Variants in ADAM19 observed in about 807,000 individuals in gnomAD.
ADAM19 encodes the protein disintegrin and metalloproteinase domain-containing protein 19.
A neutral mutation model predicts 114.7 loss-of-function variants in ADAM19; 65 were observed. The ratio of observed to expected loss-of-function variants is 0.57; its 90% CI spans 0.46 to 0.70. The LOEUF is 0.70. Ranked by LOEUF, ADAM19 falls within the 30% of genes least tolerant of loss-of-function variation. The pLI, the probability that ADAM19 is intolerant of heterozygous loss-of-function variation, is 0.00. For synonymous variants in ADAM19, 466 were observed against 460.5 expected, an observed-to-expected ratio of 1.01 and a Z score of -0.15; for missense variants, 1,063 against 1,204.7, an observed-to-expected ratio of 0.88 and a Z score of 1.74.
chr5:157,502,840 A>G lies in ADAM19; in HGVS notation c.1271T>C (p.Leu424Pro). Residue 424 changes from leucine (L) to proline (P), a missense_variant, in exon 12 of 23, where the codon CTG becomes CCG. Leu to Pro is a moderately conservative substitution (Grantham distance 98). This residue lies in a region of ADAM19 where 615 missense variants were observed against 706.3 expected (regional missense o/e 0.87). Coordinates refer to ENST00000257527, the MANE Select transcript of ADAM19 (RefSeq NM_033274.5). ...ACAGTCACACTCTTCCCCATCTTCC[A>G]GATACCCGTTCCCACACCTCCGGCC... is the stretch of plus-strand genomic sequence containing the variant. ...YGGRRCGNGY[L>P]EDGEECDCGE... 1 of 1,614,098 alleles carries G rather than the reference A, an allele frequency of 6.2e-7. No individual in the cohort carries two copies. The highest frequency in any genetic ancestry group is 1.1e-5 in the South Asian group (1 of 91,078).
At chr5:157,556,578 A>G (rs1581352404) in intron 3 of ADAM19, among the ~76,000 whole-genome samples, 1 of 152,174 alleles carries the variant, frequency 6.6e-6, no homozygotes, top group South Asian at 2.1e-4. Flanking sequence ...AGGGATTCGA[A>G]TGTGGTTATC....
At chr5:157,497,191 C>T (rs1755393195) in intron 13 of ADAM19, 102 bp from the exon 14 acceptor site, 3 of 1,107,944 alleles carry the variant, frequency 2.7e-6, no homozygotes, top group Non-Finnish European at 3.6e-6. Context: ...CAGAATTTTC[C>T]ATTACCATGA....
rs545238121 is a variant in ADAM19 at position 157,482,583 on chromosome 5, G to C, written c.2551-640C>G. 2.6e-3 allele frequency among the ~76,000 whole-genome samples: 398 copies of C among 152,246 alleles called. 5 individuals carry two copies. The highest frequency in any genetic ancestry group is 9.0e-3 in the African/African-American group (375 of 41,534). On this transcript the variant is annotated intron_variant, in intron 21 of 22. Transcript: ENST00000257527. ...CCATCTTGAGTTAATTTTTGTATAA[G>C]GTGTAAGGAAGGGATCCAGTTTCAG...
chr5:157,524,537 C>T (rs1241356679), intron 5 of ADAM19, among the ~76,000 whole-genome samples: 1 of 152,204 alleles, frequency 6.6e-6, no homozygotes, highest in Non-Finnish European at 1.5e-5. Context: ...CCAAAGGGGA[C>T]ACATTCTACA....
At chr5:157,487,398 CA>C (rs1754976281) in intron 21 of ADAM19, among the ~76,000 whole-genome samples, 1 of 152,206 alleles carries the variant, frequency 6.6e-6, no homozygotes, top group Non-Finnish European at 1.5e-5. Context: ...AGCCTGCAGC[CA>C]ACCCCAGAGT....
At chr5:157,511,792 C>T (rs546024120) in intron 8 of ADAM19, among the ~76,000 whole-genome samples, 65 of 152,314 alleles carry the variant, frequency 4.3e-4, no homozygotes, top group African/African-American at 1.5e-3. Context: ...CGTGGCTTCC[C>T]TTACCCGCCA....
At chr5:157,500,888 A>G in intron 12 of ADAM19, among the ~76,000 whole-genome samples, 1 of 152,106 alleles carries the variant, frequency 6.6e-6, no homozygotes, top group Admixed American at 6.5e-5. Flanking sequence ...AGATCTCTCC[A>G]CCACAGCCTT....
intron 21 of ADAM19, among the ~76,000 whole-genome samples, chr5:157,483,637 ATT>A (rs11376520): frequency 6.9e-6 from 1 of 144,940 alleles, no homozygotes. Context: ...TGAACATTCC[ATT>A]TTTTTTTTTT....
At position 157,497,076 on chromosome 5, in the gene ADAM19, C is replaced by A; in HGVS notation, c.1412G>T (p.Gly471Val). The A allele has an allele frequency of 6.6e-7, 1 of 1,524,830 alleles. No homozygotes were observed. The highest frequency in any genetic ancestry group is 1.3e-5 in the South Asian group (1 of 77,828). 94.5% of individuals were successfully genotyped at this position (1,524,830 alleles called of 1,614,324 possible). A position where few individuals can be genotyped will look rare whatever the true frequency, so the allele number is the denominator to read the frequency against. ...CCTGGCCTGCTCGCGGCACAGGGTC[C>A]CAGGAGCCAACAGCTGAGCCAAGGA... ...CCHQCKLLAP[G>V]TLCREQARQC... The change falls in exon 14 of 23, where the codon GGG (glycine) becomes GTG (valine). Residue 471 changes from glycine to valine, a missense_variant. Transcript: ENST00000257527.
At chr5:157,540,168 A>G (rs1756878426) in intron 3 of ADAM19, among the ~76,000 whole-genome samples, 1 of 152,218 alleles carries the variant, frequency 6.6e-6, no homozygotes, top group Admixed American at 6.5e-5. Context: ...AGTTAGTGAT[A>G]ATCATTATTG....
At chr5:157,553,191 G>C (rs1287895292) in intron 3 of ADAM19, among the ~76,000 whole-genome samples, 1 of 152,170 alleles carries the variant, frequency 6.6e-6, no homozygotes, top group African/African-American at 2.4e-5. Context: ...TAATTGGACT[G>C]TTTGCAATGC....
rs1259968485 is a variant in ADAM19, at chr5:157,516,589, C to T, written c.666+2234G>A. 3.3e-5 allele frequency among the ~76,000 whole-genome samples: 5 copies of T among 152,330 alleles called. No individual in the cohort carries two copies. The South Asian group carries it at 8.3e-4, about 25-fold the overall frequency. On this transcript the variant is annotated intron_variant, in intron 7 of 22. Coordinates refer to ENST00000257527, the MANE Select transcript of ADAM19 (RefSeq NM_033274.5). Reference sequence around the variant, plus strand: ...AGGCCAAAGGGGAGAAACACCCCACCTTTAAACAGAGCAGCTGGGCTCTAT... The same window carrying T: ...AGGCCAAAGGGGAGAAACACCCCACTTTTAAACAGAGCAGCTGGGCTCTAT...
chr5:157,536,291 C>T (rs1281159615), intron 4 of ADAM19, among the ~76,000 whole-genome samples: 4 of 152,148 alleles, frequency 2.6e-5, no homozygotes, highest in South Asian at 2.1e-4. Flanking sequence ...GTCAGAAGTT[C>T]GAGACCAGCT....
At chr5:157,571,040 C>T (rs1757807060) in intron 1 of ADAM19, 60 bp from the exon 2 acceptor site, 1 of 1,459,652 alleles carries the variant, frequency 6.9e-7, no homozygotes, top group Non-Finnish European at 9.5e-7. Context: ...AGCTAAGCCA[C>T]ACATGCACTT....
intron 21 of ADAM19, among the ~76,000 whole-genome samples, chr5:157,487,845 CA>C (rs146529101): frequency 0.014 from 2,129 of 152,270 alleles, 43 homozygotes; most frequent in African/African-American, 0.049. Context: ...ATTGAGGAAT[CA>C]GGATAGACTT....
chr5:157,518,733 T>C (rs1180099218), intron 7 of ADAM19, 90 bp downstream of exon 7: 3 of 1,046,282 alleles, frequency 2.9e-6, no homozygotes, highest in Non-Finnish European at 4.5e-6. Context: ...GAAAGATGAA[T>C]GGGCAACATT....
chr5:157,522,955 C>T lies in ADAM19; in HGVS notation c.408-2924G>A, dbSNP rs146982455. On this transcript the variant is annotated intron_variant, in intron 5 of 22. Transcript: ENST00000257527. ...CAGCCTACTTTTCACCTTCAGATGC[C>T]ATTGATTGAGCTAACTGGATGCCAG... 6.6e-5 allele frequency among the ~76,000 whole-genome samples: 10 copies of T among 152,230 alleles called. No homozygotes were observed. In the South Asian group the frequency reaches 1.2e-3, roughly 19 times the overall value.
intron 12 of ADAM19, among the ~76,000 whole-genome samples, chr5:157,502,130 T>C (rs181631065): frequency 3.3e-5 from 5 of 152,296 alleles, no homozygotes; most frequent in African/African-American, 9.6e-5. Context: ...TTACTTGTTA[T>C]CTACCCCAAA....
Position 157,479,760 on chromosome 5 carries a change from G to C in ADAM19, c.*1189C>G, listed in dbSNP as rs1451740112. 1.0e-6 allele frequency: 1 copy of C among 985,532 alleles called. No individual in the cohort carries two copies. The highest frequency in any genetic ancestry group is 1.1e-4 in the East Asian group (1 of 8,834). 61.0% of individuals were successfully genotyped at this position (985,532 alleles called of 1,614,324 possible). On this transcript the variant is annotated 3_prime_UTR_variant, in exon 23 of 23. Coordinates refer to ENST00000257527, the MANE Select transcript of ADAM19 (RefSeq NM_033274.5). The stretch of plus-strand genomic sequence containing the variant: ...TGGCTGCCTTCTCCAGTGATCTCGG[G>C]CAGCTCCCAGAAATGGGTCTGTTCT...
Sources: allele counts gnomAD v4.1 joint callset (sites outside exome capture counted in the v4.1 genomes callset), GRCh38; gene constraint gnomAD v4.1.1; regional missense constraint gnomAD v4.1.1; transcripts MANE v1.5; gene names NCBI Gene and HGNC (gene_info 2026-07-23, HGNC 2026-07-21).